Variants in LRRC4C observed in about 807,000 individuals in gnomAD.
The protein encoded by LRRC4C is leucine rich repeat containing 4C.
A neutral mutation model predicts 33.6 loss-of-function variants in LRRC4C; 5 were observed. The ratio of observed to expected loss-of-function variants is 0.15; its 90% CI spans 0.08 to 0.31. LRRC4C has a LOEUF of 0.31. Ranked by LOEUF, LRRC4C falls within the 10% of genes least tolerant of loss-of-function variation. The pLI is 1.00. For synonymous variants in LRRC4C, 329 were observed against 302.0 expected (o/e 1.09, Z -0.93); for missense variants, 560 against 796.7 (o/e 0.70, Z 3.58).
chr11:40,426,838 T>C (rs915241735), intron 3 of LRRC4C, among the ~76,000 whole-genome samples: 1 of 152,232 alleles, frequency 6.6e-6, no homozygotes, highest in Non-Finnish European at 1.5e-5. Context: ...TCTTAGTTTC[T>C]GAAAGACCTT....
intron 2 of LRRC4C, among the ~76,000 whole-genome samples, chr11:40,860,073 G>A (rs1019575143): frequency 1.4e-5 from 2 of 146,504 alleles, no homozygotes; most frequent in South Asian, 2.2e-4. Context: ...GTGACAGAGC[G>A]AGACTCTGTC....
At chr11:40,669,869 T>G (rs1008755199) in intron 2 of LRRC4C, among the ~76,000 whole-genome samples, 2 of 152,228 alleles carry the variant, frequency 1.3e-5, no homozygotes, top group African/African-American at 4.8e-5. Flanking sequence ...CTCATTATAC[T>G]TTTACTTAAT....
intron 2 of LRRC4C, among the ~76,000 whole-genome samples, chr11:40,860,964 T>C (rs751003894): frequency 2.4e-4 from 36 of 152,084 alleles, no homozygotes; most frequent in Non-Finnish European, 3.1e-4. Context: ...GAACTGTTCA[T>C]TTAAAATGGT....
intron 1 of LRRC4C, among the ~76,000 whole-genome samples, chr11:41,366,152 G>A (rs1441640137): frequency 1.3e-5 from 2 of 151,690 alleles, no homozygotes; most frequent in Non-Finnish European, 2.9e-5. Context: ...GCATATATGT[G>A]TGCCTGTTTG....
chr11:40,304,347 C>T (rs965371301), intron 4 of LRRC4C, among the ~76,000 whole-genome samples: 9 of 151,952 alleles, frequency 5.9e-5, no homozygotes, highest in Admixed American at 5.9e-4. Context: ...CTGGGAAGAA[C>T]AAAAAGAAAA....
chr11:40,745,538 A>C (rs1948374947), intron 2 of LRRC4C, among the ~76,000 whole-genome samples: 1 of 152,184 alleles, frequency 6.6e-6, no homozygotes, highest in Non-Finnish European at 1.5e-5. Flanking sequence ...GCATAAAACA[A>C]CTTCTGGGTG....
chr11:40,656,099 A>G (rs1226506364), intron 2 of LRRC4C, among the ~76,000 whole-genome samples: 1 of 152,176 alleles, frequency 6.6e-6, no homozygotes, highest in Non-Finnish European at 1.5e-5. Context: ...TGGTAGGGAC[A>G]CAGAGCCAAA....
chr11:40,534,933 G>A (rs1263065469), intron 3 of LRRC4C, among the ~76,000 whole-genome samples: 1 of 152,154 alleles, frequency 6.6e-6, no homozygotes, highest in Non-Finnish European at 1.5e-5. Context: ...AGAGCAAACA[G>A]TATCTTTCCT....
chr11:40,760,436 A>G (rs2137064545), intron 2 of LRRC4C, among the ~76,000 whole-genome samples: 1 of 151,166 alleles, frequency 6.6e-6, no homozygotes, highest in African/African-American at 2.4e-5. Flanking sequence ...AAGTTTGCTG[A>G]CAACTGCAAA....
chr11:40,654,609 G>C (rs1178044721), intron 2 of LRRC4C, among the ~76,000 whole-genome samples: 1 of 152,110 alleles, frequency 6.6e-6, no homozygotes, highest in African/African-American at 2.4e-5. Context: ...GATTTTACAG[G>C]ATCATAGGCA....
At chr11:40,936,573 T>A (rs183483367) in intron 1 of LRRC4C, among the ~76,000 whole-genome samples, 1,978 of 151,912 alleles carry the variant, frequency 0.013, 39 homozygotes, top group African/African-American at 0.045. Context: ...CCTGACCTCA[T>A]GATCCACCCG....
chr11:40,218,324 A>G (rs2135895922), intron 5 of LRRC4C, among the ~76,000 whole-genome samples: 1 of 152,268 alleles, frequency 6.6e-6, no homozygotes, highest in South Asian at 2.1e-4. Context: ...CAATAAAATA[A>G]AAGAATAACT....
chr11:41,175,849 G>C (rs1045952427), intron 1 of LRRC4C, among the ~76,000 whole-genome samples: 13 of 152,038 alleles, frequency 8.6e-5, no homozygotes, highest in Admixed American at 7.9e-4. Context: ...TTTGAATACA[G>C]AACATTCATC....
chr11:40,325,527 CT>C (rs1188104191), intron 3 of LRRC4C, among the ~76,000 whole-genome samples: 1 of 151,814 alleles, frequency 6.6e-6, no homozygotes, highest in Non-Finnish European at 1.5e-5. Flanking sequence ...ATTTGGGAGG[CT>C]GAGCAGTGAG....
chr11:41,374,941 C>T (rs1331633736), intron 1 of LRRC4C, among the ~76,000 whole-genome samples: 1 of 151,962 alleles, frequency 6.6e-6, no homozygotes, highest in African/African-American at 2.4e-5. Context: ...GCCTGGACAA[C>T]ATGGCAAAAT....
intron 1 of LRRC4C, among the ~76,000 whole-genome samples, chr11:41,135,279 C>A (rs1191422466): frequency 1.3e-5 from 2 of 151,856 alleles, no homozygotes; most frequent in Non-Finnish European, 2.9e-5. Flanking sequence ...CTTCAGCAAT[C>A]AAGAATAGGG....
At chr11:40,287,000 AT>A (rs1182452088) in intron 4 of LRRC4C, among the ~76,000 whole-genome samples, 1 of 152,160 alleles carries the variant, frequency 6.6e-6, no homozygotes, top group Non-Finnish European at 1.5e-5. Context: ...CAATAATTAT[AT>A]ATTTTTAATT....
At chr11:40,875,496 G>A (rs909194965) in intron 2 of LRRC4C, among the ~76,000 whole-genome samples, 1 of 152,088 alleles carries the variant, frequency 6.6e-6, no homozygotes, top group African/African-American at 2.4e-5. Context: ...AGTTCTCAAC[G>A]TTCCCAACAG....
At chr11:41,278,803 T>G (rs1346142497) in intron 1 of LRRC4C, among the ~76,000 whole-genome samples, 2 of 124,092 alleles carry the variant, frequency 1.6e-5, no homozygotes, top group Non-Finnish European at 3.3e-5. Context: ...TTTCCTGTTT[T>G]TCTGTTTTAT....
Sources: gnomAD v4.1 joint callset for allele counts (sites outside exome capture counted in the v4.1 genomes callset) on GRCh38, gnomAD v4.1.1 for gene constraint, MANE v1.5 for transcripts, NCBI Gene and HGNC (gene_info 2026-07-23, HGNC 2026-07-21) for gene names.